Variants in TCF3 observed in about 807,000 individuals in gnomAD.
TCF3 encodes transcription factor E2-alpha.
In TCF3, 54 loss-of-function variants were observed where a neutral mutation model predicts 72.3. The ratio of observed to expected loss-of-function variants is 0.75; its 90% CI spans 0.60 to 0.94. The LOEUF (loss-of-function observed/expected upper bound fraction) is 0.94. Ranked by LOEUF, TCF3 falls within the 40% of genes least tolerant of loss-of-function variation. The pLI, the probability that TCF3 is intolerant of heterozygous loss-of-function variation, is 0.00. For missense variants in TCF3, 1,078 were observed against 934.4 expected (o/e 1.15, Z -2.00); for synonymous variants, 525 against 412.6 (o/e 1.27, Z -3.30).
intron 5 of TCF3, among the ~76,000 whole-genome samples, chr19:1,631,559 G>A (rs536108212): frequency 2.6e-5 from 4 of 151,928 alleles, no homozygotes; most frequent in Non-Finnish European, 5.9e-5. Context: ...GTGAGCCACC[G>A]AGCCCAACCT....
chr19:1,634,768 CAGTACACA>C (rs2064174720), intron 3 of TCF3, among the ~76,000 whole-genome samples: 1 of 152,238 alleles, frequency 6.6e-6, no homozygotes, highest in South Asian at 2.1e-4. Flanking sequence ...GATCTGCAAA[CAGTACACA>C]AGGACCAAGT....
chr19:1,619,301 T>A lies in TCF3; in HGVS notation c.1326+15A>T. ...CCCCGCCCACTGCCCAGCTCCACCC[T>A]CGCCCAGCGCTCACCAGGCCTGCGT... On this transcript the variant is annotated intron_variant, in intron 15 of 18. Coordinates refer to ENST00000262965, the MANE Select transcript of TCF3 (RefSeq NM_003200.5). 6.4e-7 allele frequency: 1 copy of A among 1,568,278 alleles called. No individual in the cohort carries two copies. Among genetic ancestry groups the A allele is most frequent in the Non-Finnish European group, 8.6e-7 (1 of 1,163,076 alleles).
intron 3 of TCF3, among the ~76,000 whole-genome samples, chr19:1,644,796 C>T (rs1033717062): frequency 6.6e-6 from 1 of 152,094 alleles, no homozygotes; most frequent in Non-Finnish European, 1.5e-5. Flanking sequence ...CGAGGGAAGA[C>T]ACCTCCCACC....
chr19:1,641,158 G>T (rs2065181130), intron 3 of TCF3, among the ~76,000 whole-genome samples: 1 of 79,892 alleles, frequency 1.3e-5, no homozygotes, highest in Non-Finnish European at 2.1e-5. Context: ...GCAAAACTCG[G>T]TCTCAAAAAA....
In TCF3 at chr19:1,620,830, G is replaced by C. The variant is rs114356186; in HGVS notation, c.1093+138C>G. On this transcript the variant is annotated intron_variant, in intron 13 of 18. Coordinates refer to ENST00000262965, the MANE Select transcript of TCF3 (RefSeq NM_003200.5). ...CTTGGGGGCCATCTGCTCCCTCCCC[G>C]CTGCCTGCCTATCCCAGCAAGGTGC... 3.5e-3 allele frequency: 3,052 copies of C among 880,920 alleles called. 71 individuals carry two copies. In the African/African-American group the frequency reaches 0.049, roughly 14 times the overall value. 54.6% of individuals were successfully genotyped at this position (880,920 alleles called of 1,614,324 possible). A position where few individuals can be genotyped will look rare whatever the true frequency, so the allele number is the denominator to read the frequency against.
chr19:1,620,767 C>A (rs368026959), intron 13 of TCF3, among the ~76,000 whole-genome samples: 1 of 152,196 alleles, frequency 6.6e-6, no homozygotes, highest in Non-Finnish European at 1.5e-5. Context: ...GGGGGACTCC[C>A]TTCCACCGTC....
rs1256326236 is a variant in TCF3, at chr19:1,612,297, T to G, written c.1823-448A>C. 6 of 1,613,854 alleles carry G rather than the reference T, an allele frequency of 3.7e-6. No individual in the cohort carries two copies. Among genetic ancestry groups the G allele is most frequent in the Non-Finnish European group, 4.2e-6 (5 of 1,179,856 alleles). On this transcript the variant is annotated intron_variant, in intron 18 of 18. Transcript: ENST00000262965. Reference sequence around the variant, plus strand: ...TGCGCTTTGTCCGACTTGAGGTGCATCTGGCACATGCGCCCCAGCTCCCGG... The same window carrying G: ...TGCGCTTTGTCCGACTTGAGGTGCAGCTGGCACATGCGCCCCAGCTCCCGG...
At chr19:1,641,590 T>A (rs996725867) in intron 3 of TCF3, among the ~76,000 whole-genome samples, 1 of 152,106 alleles carries the variant, frequency 6.6e-6, no homozygotes, top group Non-Finnish European at 1.5e-5. Context: ...GTAGCTGGGA[T>A]GACAGGCACG....
At chr19:1,620,944 C>T in intron 13 of TCF3, 24 bp downstream of exon 13, 1 of 1,469,866 alleles carries the variant, frequency 6.8e-7, no homozygotes, top group Non-Finnish European at 9.0e-7. Context: ...CTCAGCCTCC[C>T]CTCCCCCCAA....
chr19:1,627,383 G>C lies in TCF3; in HGVS notation c.342C>G (p.Asp114Glu). ...CCTGAGTCAGGCCGCCCACGCCTGC[G>C]TCTCTCCCGAAGGAGGCATAGGCGC... Reference protein sequence around the residue: ...ERGAYASFGRDAGVGGLTQAG... With the variant: ...ERGAYASFGREAGVGGLTQAG... The change falls in exon 6 of 19, where the codon GAC becomes GAG. Residue 114 changes from aspartate (D) to glutamate (E), a missense_variant. Transcript: ENST00000262965. The C allele has an allele frequency of 6.2e-7, 1 of 1,611,604 alleles. No individual in the cohort carries two copies. Among genetic ancestry groups the C allele is most frequent in the Non-Finnish European group, 8.5e-7 (1 of 1,179,610 alleles).
chr19:1,634,117 A>G (rs951686904), intron 3 of TCF3, among the ~76,000 whole-genome samples: 1 of 152,210 alleles, frequency 6.6e-6, no homozygotes, highest in Admixed American at 6.5e-5. Flanking sequence ...TGCGGCCTCA[A>G]TCTGCCCTTT....
intron 1 of TCF3, 136 bp downstream of exon 1, chr19:1,652,164 G>A (rs2067219612): frequency 6.8e-6 from 1 of 147,662 alleles, no homozygotes; most frequent in South Asian, 2.1e-4. Flanking sequence ...CCGGGCCGCG[G>A]GGCGCCCCCC....
rs1416341477 is a variant in TCF3, at chr19:1,652,543, C to G, written c.-283G>C. The G allele has an allele frequency of 6.9e-6, 1 of 145,130 alleles. No individual in the cohort carries two copies. 9.0% of individuals were successfully genotyped at this position (145,130 alleles called of 1,614,324 possible). Reference sequence around the variant, plus strand: ...GCGCGGTGCCCGCGGTGCCCGCCGCCGCGTCGGCTCCGGCCCGCTACGCCC... The same window carrying G: ...GCGCGGTGCCCGCGGTGCCCGCCGCGGCGTCGGCTCCGGCCCGCTACGCCC... On this transcript the variant is annotated 5_prime_UTR_variant, in exon 1 of 19. Coordinates refer to ENST00000262965, the MANE Select transcript of TCF3 (RefSeq NM_003200.5).
chr19:1,650,051 G>C (rs1346553626), intron 2 of TCF3, 126 bp downstream of exon 2: 9 of 950,038 alleles, frequency 9.5e-6, no homozygotes, highest in Non-Finnish European at 1.4e-5. Context: ...AGCCCCACCG[G>C]GGCCTCCCAT....
chr19:1,650,388 C>G, intron 1 of TCF3, 101 bp from the exon 2 acceptor site: 1 of 850,252 alleles, frequency 1.2e-6, no homozygotes, highest in Non-Finnish European at 1.8e-6. Flanking sequence ...CCTAAAAAAC[C>G]CTCAACCGCC....
intron 2 of TCF3, among the ~76,000 whole-genome samples, chr19:1,647,699 G>A (rs535322835): frequency 6.2e-4 from 94 of 152,338 alleles, no homozygotes; most frequent in African/African-American, 2.1e-3. Flanking sequence ...TGCTGTGGGG[G>A]ACAGCCAACT....
At chr19:1,629,892 G>A (rs185792387) in intron 5 of TCF3, among the ~76,000 whole-genome samples, 1 of 152,286 alleles carries the variant, frequency 6.6e-6, no homozygotes, top group African/African-American at 2.4e-5. Context: ...GACCCGGGGG[G>A]ACATGGGGAA....
rs1369953111 is a variant in TCF3, at chr19:1,610,293, A to C, written c.*1414T>G. The stretch of plus-strand genomic sequence containing the variant: ...CGGCTCCAGCCACTCTTGCCCTTGG[A>C]CCACACAGAGGGAGGGCAGCAGGTG... On this transcript the variant is annotated 3_prime_UTR_variant, in exon 19 of 19. Transcript: ENST00000262965. 1 of 231,874 alleles carries C rather than the reference A, an allele frequency of 4.3e-6. No homozygotes were observed. Among genetic ancestry groups the C allele is most frequent in the African/African-American group, 2.2e-5 (1 of 45,204 alleles). The allele number at this position is 231,874 out of a possible 1,614,324, so 14.4% of individuals were successfully genotyped here.
chr19:1,634,760 T>A (rs1197227769), intron 3 of TCF3, among the ~76,000 whole-genome samples: 2 of 152,220 alleles, frequency 1.3e-5, no homozygotes, highest in Non-Finnish European at 2.9e-5. Flanking sequence ...GCAGCAGGGA[T>A]CTGCAAACAG....
Sources: allele counts gnomAD v4.1 joint callset (sites outside exome capture counted in the v4.1 genomes callset), GRCh38; gene constraint gnomAD v4.1.1; transcripts MANE v1.5; gene names NCBI Gene and HGNC (gene_info 2026-07-23, HGNC 2026-07-21).